NOC2L: variants seen among roughly 807,000 people sequenced by gnomAD.
NOC2L encodes the protein NOC2 like nucleolar associated transcriptional repressor.
In NOC2L, 101 loss-of-function variants were observed where a neutral mutation model predicts 94.2. The observed-to-expected ratio is 1.07, with a 90% CI of 0.91 to 1.26. NOC2L has a LOEUF of 1.26. NOC2L is among the 50% of genes most tolerant of loss of function. NOC2L has a pLI of 0.00. For synonymous variants in NOC2L, 531 were observed against 413.4 expected, an observed-to-expected ratio of 1.28 and a Z score of -3.45; for missense variants, 1,076 against 980.1, an observed-to-expected ratio of 1.10 and a Z score of -1.31.
chr1:954,852 A>G (rs528810870), intron 6 of NOC2L, among the ~76,000 whole-genome samples: 2 of 151,778 alleles, frequency 1.3e-5, no homozygotes, highest in Non-Finnish European at 2.9e-5. Context: ...AAAACCAAAC[A>G]AACAAAACAA....
In NOC2L at chr1:946,176, C is replaced by G; in HGVS notation, c.1914G>C (p.Glu638Asp). 6.2e-7 allele frequency: 1 copy of G among 1,608,944 alleles called. No individual in the cohort carries two copies. Among genetic ancestry groups the G allele is most frequent in the East Asian group, 2.2e-5 (1 of 44,764 alleles). Residue 638 changes from glutamate to aspartate, a missense_variant, in exon 16 of 19, where the codon GAG (glutamate) becomes GAC (aspartate). This residue lies in a region of NOC2L where 615 missense variants were observed against 577.4 expected (regional missense o/e 1.07). Transcript: ENST00000327044. ...AGGTCCCCTCGCCGAGCCGCACCCG[C>G]TCTTTGCCACTGATCTCCAGCTGGA... The part of the protein sequence containing the change: ...REIQLEISGK[E>D]RLEDLNFPEI...
chr1:945,503 C>T lies in NOC2L; in HGVS notation c.2053+15G>A. 1 of 1,613,022 alleles carries T rather than the reference C, an allele frequency of 6.2e-7. No individual in the cohort carries two copies. ...CAGGCCCACCCTTCCCCTGGGAGCA[C>T]CACGCAGGCCCCACCTCTCTCCGAG... On this transcript the variant is annotated intron_variant, in intron 17 of 18. Coordinates refer to ENST00000327044, the MANE Select transcript of NOC2L (RefSeq NM_015658.4).
chr1:956,683 G>A (rs1642412178), intron 4 of NOC2L, among the ~76,000 whole-genome samples: 1 of 152,212 alleles, frequency 6.6e-6, no homozygotes. Context: ...GAGGAGCAAC[G>A]TGTTGTCACT....
intron 2 of NOC2L, 31 bp downstream of exon 2, chr1:958,898 A>G (rs748185634): frequency 6.8e-6 from 11 of 1,612,136 alleles, no homozygotes; most frequent in African/African-American, 1.3e-5. Context: ...AGGACGAGCA[A>G]GAGGTTCTGC....
chr1:955,878 C>A, intron 6 of NOC2L, 45 bp downstream of exon 6: 1 of 1,514,484 alleles, frequency 6.6e-7, no homozygotes, highest in Non-Finnish European at 9.1e-7. Context: ...TGTGTGGTCC[C>A]GACCCACCTT....
chr1:945,997 G>A lies in NOC2L; in HGVS notation c.1917+176C>T, dbSNP rs74360597. 0.026 allele frequency among the ~76,000 whole-genome samples: 3,929 copies of A among 152,284 alleles called. 155 individuals are homozygous for A. Among genetic ancestry groups the A allele is most frequent in the East Asian group, 0.12 (602 of 5,164 alleles). On this transcript the variant is annotated intron_variant, in intron 16 of 18. Coordinates refer to ENST00000327044, the MANE Select transcript of NOC2L (RefSeq NM_015658.4). Reference sequence around the variant, plus strand: ...CCTGGGGCTTCCCCTCCCTGGAAACGCCTGGTTCTGGCCAGTTCTCCAACA... The same window carrying A: ...CCTGGGGCTTCCCCTCCCTGGAAACACCTGGTTCTGGCCAGTTCTCCAACA...
intron 4 of NOC2L, 112 bp from the exon 5 acceptor site, chr1:956,327 A>T: frequency 7.7e-7 from 1 of 1,291,804 alleles, no homozygotes; most frequent in Non-Finnish European, 1.1e-6. Flanking sequence ...GACATAGGGC[A>T]GAGGTTGGGG....
intron 11 of NOC2L, among the ~76,000 whole-genome samples, 190 bp downstream of exon 11, chr1:951,799 ACAGGTGCCCAC>A (rs1642266545): frequency 1.3e-5 from 2 of 152,340 alleles, no homozygotes; most frequent in South Asian, 4.1e-4. Flanking sequence ...AGCTCATGTC[ACAGGTGCCCAC>A]CAGCCCTAGC....
Position 952,130 on chromosome 1 carries a change from G to A in NOC2L, c.1201C>T (p.Gln401Ter). The A allele has an allele frequency of 6.2e-7, 1 of 1,613,582 alleles. No individual in the cohort carries two copies. Among genetic ancestry groups the A allele is most frequent in the Non-Finnish European group, 8.5e-7 (1 of 1,179,982 alleles). The stretch of plus-strand genomic sequence containing the variant: ...ACATACTGCCAGTTGTACACAGACT[G>A]GTATGTTTCCTGGTCAGAGAGAACC... ...AMTTRKKETY[Q>*]SVYNWQYVHC... The change falls in exon 11 of 19, where the codon CAG becomes TAG. Residue 401 changes from glutamine (Q) to a stop codon, truncating the protein, a stop_gained. Coordinates refer to ENST00000327044, the MANE Select transcript of NOC2L (RefSeq NM_015658.4). LOFTEE classifies it high-confidence loss of function.
chr1:957,388 T>C, intron 2 of NOC2L, 115 bp from the exon 3 acceptor site: 1 of 1,032,086 alleles, frequency 9.7e-7, no homozygotes, highest in South Asian at 1.6e-5. Context: ...AAGACAGGAT[T>C]GCCAGGAGGT....
chr1:952,278 G>T, intron 10 of NOC2L, 134 bp downstream of exon 10: 2 of 1,396,620 alleles, frequency 1.4e-6, no homozygotes, highest in South Asian at 2.6e-5. Flanking sequence ...CCACCTGCAA[G>T]GACCGACTGC....
intron 4 of NOC2L, 33 bp downstream of exon 4, chr1:956,861 G>A (rs758298658): frequency 1.2e-6 from 2 of 1,611,422 alleles, no homozygotes; most frequent in Non-Finnish European, 1.7e-6. Flanking sequence ...TTCTGCCTGG[G>A]CACCCAGCTG....
chr1:946,599 C>T (rs1336871079), intron 14 of NOC2L, 54 bp from the exon 15 acceptor site: 7 of 1,587,828 alleles, frequency 4.4e-6, no homozygotes, highest in Non-Finnish European at 6.0e-6. Flanking sequence ...ATGTGCACAG[C>T]TGGCCCAGGT....
chr1:945,752 T>G lies in NOC2L; in HGVS notation c.1918-99A>C, dbSNP rs894483189. Reference sequence around the variant, plus strand: ...CCAGACCCACCACCAGGGCCCCATGTGGCCAATTTCTAGTCCCCTCTGTTC... The same window carrying G: ...CCAGACCCACCACCAGGGCCCCATGGGGCCAATTTCTAGTCCCCTCTGTTC... On this transcript the variant is annotated intron_variant, in intron 16 of 18. Transcript: ENST00000327044. 1.1e-5 allele frequency: 16 copies of G among 1,485,708 alleles called. No individual in the cohort carries two copies. The Admixed American group carries it at 2.7e-4, about 25-fold the overall frequency. 92.0% of individuals were successfully genotyped at this position (1,485,708 alleles called of 1,614,324 possible). A position where few individuals can be genotyped will look rare whatever the true frequency, so the allele number is the denominator to read the frequency against.
chr1:950,760 T>C (rs1289190946), intron 12 of NOC2L, among the ~76,000 whole-genome samples: 1 of 152,100 alleles, frequency 6.6e-6, no homozygotes, highest in African/African-American at 2.4e-5. Context: ...ACATCCCCCA[T>C]ACAAATGCAT....
At chr1:958,789 A>G in intron 2 of NOC2L, 140 bp downstream of exon 2, 1 of 836,790 alleles carries the variant, frequency 1.2e-6, no homozygotes, top group Non-Finnish European at 2.0e-6. Context: ...CGGATGAAAG[A>G]GTAAGTTAAG....
Position 946,163 on chromosome 1 carries a change from C to T in NOC2L, c.1917+10G>A, listed in dbSNP as rs562376988. On this transcript the variant is annotated intron_variant, in intron 16 of 18. Transcript: ENST00000327044. The stretch of plus-strand genomic sequence containing the variant: ...ACAACACACCCCCAGGTCCCCTCGC[C>T]GAGCCGCACCCGCTCTTTGCCACTG... 33 of 1,596,044 alleles carry T rather than the reference C, an allele frequency of 2.1e-5. No homozygotes were observed. The highest frequency in any genetic ancestry group is 6.8e-5 in the Admixed American group (4 of 59,114).
In NOC2L at chr1:952,469, G is replaced by A. The variant is rs1642286129; in HGVS notation, c.1134C>T (p.Phe378=). 6 of 1,613,830 alleles carry A rather than the reference G, an allele frequency of 3.7e-6. No homozygotes were observed. The highest frequency in any genetic ancestry group is 3.4e-6 in the Non-Finnish European group (4 of 1,179,996). ...LEPGVAYQHA[F]LYIRQLAIHL... is the part of the protein sequence containing the mutation. ...GTATGGCGAGCTGGCGGATGTAGAGGAAGGCGTGCTGGTAGGCCACACCCG... is the reference window on the plus strand; with the variant it reads ...GTATGGCGAGCTGGCGGATGTAGAGAAAGGCGTGCTGGTAGGCCACACCCG... Residue 378 remains phenylalanine (F), a synonymous_variant, in exon 10 of 19, where the codon TTC becomes TTT. Transcript: ENST00000327044.
chr1:953,961 C>T, intron 7 of NOC2L, 43 bp downstream of exon 7: 1 of 1,604,148 alleles, frequency 6.2e-7, no homozygotes, highest in Non-Finnish European at 8.5e-7. Flanking sequence ...GACCGACCAC[C>T]AGATACAGCC....
Sources: allele counts gnomAD v4.1 joint callset (sites outside exome capture counted in the v4.1 genomes callset), GRCh38; gene constraint gnomAD v4.1.1; regional missense constraint gnomAD v4.1.1; transcripts MANE v1.5; gene names NCBI Gene and HGNC (gene_info 2026-07-23, HGNC 2026-07-21).